LUZP2: variants seen among roughly 807,000 people sequenced by gnomAD.
LUZP2 encodes the protein leucine zipper protein 2.
In LUZP2, 52 loss-of-function variants were observed where a neutral mutation model predicts 51.6. That is an observed-to-expected ratio of 1.01 (90% CI 0.81 to 1.27). The LOEUF is 1.27. LUZP2 is among the 50% of genes most tolerant of loss of function. The pLI is 0.00. For missense variants in LUZP2, 436 were observed against 395.4 expected, an observed-to-expected ratio of 1.10 and a Z score of -0.87; for synonymous variants, 154 against 137.3, an observed-to-expected ratio of 1.12 and a Z score of -0.85.
chr11:24,906,575 A>G (rs558663187), intron 6 of LUZP2, among the ~76,000 whole-genome samples: 102 of 152,292 alleles, frequency 6.7e-4, no homozygotes, highest in African/African-American at 2.3e-3. Context: ...AACTAAAATA[A>G]TCATTTTTCT....
At chr11:24,596,550 T>C (rs748273799) in intron 1 of LUZP2, among the ~76,000 whole-genome samples, 45 of 152,094 alleles carry the variant, frequency 3.0e-4, no homozygotes, top group Non-Finnish European at 5.6e-4. Context: ...TGAGACCAAG[T>C]GGTTTATTAG....
intron 1 of LUZP2, among the ~76,000 whole-genome samples, chr11:24,727,017 C>T (rs1485869313): frequency 6.6e-6 from 1 of 151,758 alleles, no homozygotes; most frequent in Non-Finnish European, 1.5e-5. Flanking sequence ...TGTGCCTCTT[C>T]ATGGTTCCCA....
chr11:24,553,104 A>G (rs1851767790), intron 1 of LUZP2, among the ~76,000 whole-genome samples: 1 of 151,750 alleles, frequency 6.6e-6, no homozygotes, highest in Non-Finnish European at 1.5e-5. Flanking sequence ...AATTGAGTCA[A>G]TGGGAAATAA....
intron 1 of LUZP2, among the ~76,000 whole-genome samples, chr11:24,687,948 G>A (rs1042306333): frequency 1.3e-5 from 2 of 151,966 alleles, no homozygotes; most frequent in Non-Finnish European, 2.9e-5. Context: ...TTCCTGCCTG[G>A]AGACAAGTTT....
chr11:25,078,747 AG>A lies in LUZP2; in HGVS notation c.*90del. On this transcript the variant is annotated 3_prime_UTR_variant, in exon 12 of 12. Coordinates refer to ENST00000336930, the MANE Select transcript of LUZP2 (RefSeq NM_001009909.4). ...AGCTTGATGGAAATACTGTTTCTAA[AG>A]CATGCAACTTTTTCACAATTTTATG... 9.9e-7 allele frequency: 1 copy of A among 1,005,714 alleles called. No individual in the cohort carries two copies. 62.3% of individuals were successfully genotyped at this position (1,005,714 alleles called of 1,614,324 possible).
At chr11:24,784,444 T>C (rs1849180880) in intron 5 of LUZP2, among the ~76,000 whole-genome samples, 1 of 152,024 alleles carries the variant, frequency 6.6e-6, no homozygotes, top group African/African-American at 2.4e-5. Context: ...TATTAGAAGA[T>C]TTTTGTAAAT....
At chr11:24,682,172 A>G (rs766095733) in intron 1 of LUZP2, among the ~76,000 whole-genome samples, 5 of 152,138 alleles carry the variant, frequency 3.3e-5, no homozygotes, top group Non-Finnish European at 7.4e-5. Flanking sequence ...TGTGGTAAAG[A>G]CTGTGCAACT....
At chr11:24,622,617 TAGTTCTC>T (rs1854537818) in intron 1 of LUZP2, among the ~76,000 whole-genome samples, 1 of 152,192 alleles carries the variant, frequency 6.6e-6, no homozygotes, top group Non-Finnish European at 1.5e-5. Flanking sequence ...TAACTAAACT[TAGTTCTC>T]AGTTTCAAAT....
intron 5 of LUZP2, among the ~76,000 whole-genome samples, chr11:24,777,058 G>A (rs1030167251): frequency 6.9e-6 from 1 of 145,258 alleles, no homozygotes; most frequent in Non-Finnish European, 1.5e-5. Flanking sequence ...GCAGTGGTGT[G>A]ATCTCGGCTC....
intron 7 of LUZP2, among the ~76,000 whole-genome samples, chr11:24,931,058 A>C (rs1854431313): frequency 2.0e-5 from 3 of 151,884 alleles, no homozygotes. Context: ...TAAAACTACA[A>C]AAATTGGCTG....
chr11:24,877,611 A>G (rs1214691740), intron 5 of LUZP2, among the ~76,000 whole-genome samples: 1 of 152,140 alleles, frequency 6.6e-6, no homozygotes, highest in East Asian at 1.9e-4. Flanking sequence ...TTATACTCTT[A>G]GTTATTTTAA....
intron 9 of LUZP2, among the ~76,000 whole-genome samples, chr11:25,038,976 T>C (rs1434930305): frequency 6.6e-6 from 1 of 152,158 alleles, no homozygotes; most frequent in African/African-American, 2.4e-5. Context: ...CAATGGGTGG[T>C]TGATAAGCTC....
intron 5 of LUZP2, among the ~76,000 whole-genome samples, chr11:24,885,640 A>G (rs1852645758): frequency 6.6e-6 from 1 of 152,144 alleles, no homozygotes; most frequent in Admixed American, 6.6e-5. Flanking sequence ...GCAATTTTAT[A>G]TTACCTGACA....
At position 25,022,540 on chromosome 11, in the gene LUZP2, G is replaced by A. The variant is rs1247365191; in HGVS notation, c.766-27498G>A. Among the ~76,000 whole-genome samples, 5 of 151,966 alleles carry A rather than the reference G, an allele frequency of 3.3e-5. No individual in the cohort carries two copies. In the East Asian group the frequency reaches 9.7e-4, roughly 29 times the overall value. Reference sequence around the variant, plus strand: ...TTTGCAGACTAATAATTTTATAAAAGCCATGGGCTCTCTTCACCAAAAAAA... The same window carrying A: ...TTTGCAGACTAATAATTTTATAAAAACCATGGGCTCTCTTCACCAAAAAAA... On this transcript the variant is annotated intron_variant, in intron 9 of 11. Coordinates refer to ENST00000336930, the MANE Select transcript of LUZP2 (RefSeq NM_001009909.4).
At chr11:24,826,140 C>T (rs1217861551) in intron 5 of LUZP2, among the ~76,000 whole-genome samples, 5 of 136,910 alleles carry the variant, frequency 3.7e-5, no homozygotes, top group South Asian at 4.6e-4. Flanking sequence ...CGCGCCACTG[C>T]ACTCCAGCCT....
chr11:24,912,115 G>GTTTCC (rs1036567687), intron 6 of LUZP2, among the ~76,000 whole-genome samples: 2 of 150,106 alleles, frequency 1.3e-5, no homozygotes, highest in East Asian at 3.9e-4. Flanking sequence ...TTTTCCTTTC[G>GTTTCC]TTTCCTTTCC....
intron 5 of LUZP2, among the ~76,000 whole-genome samples, chr11:24,770,125 T>C (rs964175194): frequency 6.6e-6 from 1 of 152,184 alleles, no homozygotes; most frequent in African/African-American, 2.4e-5. Context: ...ATGTATTCTT[T>C]CACTTTCAAA....
intron 5 of LUZP2, among the ~76,000 whole-genome samples, chr11:24,773,644 G>A (rs1848819623): frequency 6.6e-6 from 1 of 152,154 alleles, no homozygotes; most frequent in Admixed American, 6.5e-5. Flanking sequence ...AATTATTCAT[G>A]GCTTGGGAGG....
intron 7 of LUZP2, among the ~76,000 whole-genome samples, chr11:24,944,129 TG>T: frequency 6.6e-6 from 1 of 152,290 alleles, no homozygotes; most frequent in Non-Finnish European, 1.5e-5. Flanking sequence ...TAGAATCATC[TG>T]AAGATCTTTA....
Sources: gnomAD v4.1 joint callset for allele counts (sites outside exome capture counted in the v4.1 genomes callset) on GRCh38, gnomAD v4.1.1 for gene constraint, MANE v1.5 for transcripts, NCBI Gene and HGNC (gene_info 2026-07-23, HGNC 2026-07-21) for gene names.